The following RELCH variants were observed in gnomAD, a reference collection of about 807,000 sequenced individuals.
The protein encoded by RELCH is RAB11 binding and LisH domain, coiled-coil and HEAT repeat containing, also known as RAB11-binding protein RELCH.
A neutral mutation model predicts 150.3 loss-of-function variants in RELCH; 41 were observed. The observed-to-expected ratio is 0.27, with a 90% CI of 0.21 to 0.35. RELCH has a LOEUF of 0.35. Among genes scored for constraint, RELCH ranks in the 10% least tolerant of loss-of-function variants. The pLI is 1.00. For synonymous variants in RELCH, 478 were observed against 531.8 expected, an observed-to-expected ratio of 0.90 and a Z score of 1.39; for missense variants, 1,092 against 1,467.8, an observed-to-expected ratio of 0.74 and a Z score of 4.18.
chr18:62,232,433 A>T lies in RELCH; in HGVS notation c.1620+6A>T. 6.4e-7 allele frequency: 1 copy of T among 1,568,600 alleles called. No individual in the cohort carries two copies. Among genetic ancestry groups the T allele is most frequent in the South Asian group, 1.1e-5 (1 of 89,942 alleles). On this transcript the variant is annotated splice_donor_region_variant and intron_variant, in intron 10 of 28. Coordinates refer to ENST00000644646, the MANE Select transcript of RELCH (RefSeq NM_001346231.2). ...TGCTATTGGCAAAGAGAGAGGTAAG[A>T]CACATGAAAGTATTTTCGTCCCAGT...
chr18:62,292,552 G>T (rs1792852358), intron 27 of RELCH, among the ~76,000 whole-genome samples: 1 of 151,998 alleles, frequency 6.6e-6, no homozygotes, highest in South Asian at 2.1e-4. Context: ...CTAACCCCAT[G>T]CTGGAGCCAT....
intron 10 of RELCH, among the ~76,000 whole-genome samples, chr18:62,243,384 C>G (rs1354002217): frequency 6.6e-6 from 1 of 152,170 alleles, no homozygotes; most frequent in East Asian, 1.9e-4. Flanking sequence ...TATGCTCTGT[C>G]TCTCATTCCC....
At chr18:62,225,325 G>A (rs1291849746) in intron 5 of RELCH, among the ~76,000 whole-genome samples, 1 of 151,980 alleles carries the variant, frequency 6.6e-6, no homozygotes, top group East Asian at 1.9e-4. Context: ...CAAAAAGCAT[G>A]ATGTTCTCTG....
rs1436902857 is a variant in RELCH, at chr18:62,223,415, T to TA, written c.858+1919dup. Reference sequence around the variant, plus strand: ...AAGAAATAGATTATTTGAAGGGCTTTATATTTATTAAAGAAATAAAATTTG... The same window carrying TA: ...AAGAAATAGATTATTTGAAGGGCTTTAATATTTATTAAAGAAATAAAATTTG... On this transcript the variant is annotated intron_variant, in intron 5 of 28. Coordinates refer to ENST00000644646, the MANE Select transcript of RELCH (RefSeq NM_001346231.2). 2.6e-5 allele frequency among the ~76,000 whole-genome samples: 4 copies of TA among 152,242 alleles called. No homozygotes were observed. The East Asian group carries it at 7.7e-4, about 29-fold the overall frequency.
intron 10 of RELCH, among the ~76,000 whole-genome samples, chr18:62,242,410 C>A (rs757770609): frequency 3.3e-5 from 5 of 152,160 alleles, no homozygotes; most frequent in Non-Finnish European, 7.4e-5. Flanking sequence ...TGTGTTGAAA[C>A]GGCTTTTTTA....
At position 62,215,820 on chromosome 18, in the gene RELCH, A is replaced by G. The variant is rs181981007; in HGVS notation, c.616+4578A>G. Among the ~76,000 whole-genome samples the G allele has an allele frequency of 9.7e-4, 147 of 152,248 alleles. 1 individual carries two copies. The highest frequency in any genetic ancestry group is 3.4e-3 in the African/African-American group (143 of 41,560). On this transcript the variant is annotated intron_variant, in intron 2 of 28. Transcript: ENST00000644646. The stretch of plus-strand genomic sequence containing the variant: ...TAGTACCAGGCTGTAGTTCTGACCC[A>G]TCTGTATATTCATGTGGATAGCATA...
intron 5 of RELCH, among the ~76,000 whole-genome samples, chr18:62,221,759 C>T (rs1023481204): frequency 5.9e-5 from 9 of 151,674 alleles, no homozygotes; most frequent in Non-Finnish European, 5.9e-5. Context: ...ATAGTCCACT[C>T]ATTTTTGCAT....
At chr18:62,244,994 T>G in intron 11 of RELCH, 118 bp downstream of exon 11, 2 of 679,366 alleles carry the variant, frequency 2.9e-6, no homozygotes, top group Non-Finnish European at 5.3e-6. Context: ...GTATCTATTT[T>G]AGCAGCGCTG....
intron 27 of RELCH, among the ~76,000 whole-genome samples, chr18:62,295,695 C>T (rs1401830216): frequency 1.3e-5 from 2 of 151,910 alleles, no homozygotes; most frequent in Non-Finnish European, 1.5e-5. Context: ...CCTCAGCCTC[C>T]TGAGTAGCTG....
rs2040865327 is a variant in RELCH at position 62,221,488 on chromosome 18, C to T, written c.849C>T (p.Asn283=). ...KLTSITFSDE[N]DDQDFELWDD... ...CATCAATAACCTTTTCAGATGAAAA[C>T]GATGATCAGGTAAAGTTACTTTTTG... The change falls in exon 5 of 29, where the codon AAC becomes AAT. Residue 283 remains asparagine (N), a synonymous_variant. Coordinates refer to ENST00000644646, the MANE Select transcript of RELCH (RefSeq NM_001346231.2). 4.2e-6 allele frequency: 6 copies of T among 1,438,686 alleles called. No individual in the cohort carries two copies. Among genetic ancestry groups the T allele is most frequent in the Non-Finnish European group, 5.7e-6 (6 of 1,052,318 alleles). The allele number at this position is 1,438,686 out of a possible 1,614,324, so 89.1% of individuals were successfully genotyped here. A position where few individuals can be genotyped will look rare whatever the true frequency, so the allele number is the denominator to read the frequency against.
At chr18:62,263,728 T>C (rs1372458862) in intron 16 of RELCH, among the ~76,000 whole-genome samples, 1 of 152,022 alleles carries the variant, frequency 6.6e-6, no homozygotes, top group African/African-American at 2.4e-5. Context: ...ATAAAATAGA[T>C]AAAAATTTCT....
intron 25 of RELCH, among the ~76,000 whole-genome samples, chr18:62,283,638 AT>A (rs987252998): frequency 6.6e-6 from 1 of 151,858 alleles, no homozygotes; most frequent in Non-Finnish European, 1.5e-5. Flanking sequence ...CAGTCATGAC[AT>A]TTTTTTTCAC....
intron 25 of RELCH, among the ~76,000 whole-genome samples, 170 bp from the exon 26 acceptor site, chr18:62,287,181 T>G (rs1447481653): frequency 6.6e-6 from 1 of 152,204 alleles, no homozygotes; most frequent in African/African-American, 2.4e-5. Flanking sequence ...GAAAAACTAC[T>G]TTCTTCCCTA....
chr18:62,196,737 A>G (rs2039076874), intron 1 of RELCH, among the ~76,000 whole-genome samples: 1 of 152,206 alleles, frequency 6.6e-6, no homozygotes, highest in South Asian at 2.1e-4. Context: ...GTTGGTATTC[A>G]GTATTTTTAC....
At chr18:62,253,536 G>A (rs1199836587) in intron 12 of RELCH, among the ~76,000 whole-genome samples, 1 of 151,988 alleles carries the variant, frequency 6.6e-6, no homozygotes. Flanking sequence ...ACCTTAAAAA[G>A]ATGTGTTTCC....
intron 1 of RELCH, among the ~76,000 whole-genome samples, chr18:62,194,688 A>T (rs1326768580): frequency 6.6e-6 from 1 of 152,210 alleles, no homozygotes; most frequent in East Asian, 1.9e-4. Context: ...ATGTCGATTG[A>T]TACTACTTGG....
chr18:62,221,541 A>G (rs1487633711), intron 5 of RELCH, 44 bp downstream of exon 5: 1 of 832,710 alleles, frequency 1.2e-6, no homozygotes, highest in African/African-American at 1.8e-5. Flanking sequence ...TTCTACACTT[A>G]TAATTCACTT....
intron 16 of RELCH, among the ~76,000 whole-genome samples, chr18:62,263,591 A>G (rs1460216401): frequency 6.6e-6 from 1 of 152,038 alleles, no homozygotes; most frequent in Non-Finnish European, 1.5e-5. Flanking sequence ...ATAATTTGTT[A>G]TGAATGAAGA....
At chr18:62,240,310 G>T (rs1600011431) in intron 10 of RELCH, among the ~76,000 whole-genome samples, 3 of 150,722 alleles carry the variant, frequency 2.0e-5, no homozygotes, top group African/African-American at 7.3e-5. Context: ...TTGTGCAAAA[G>T]AATTATCTTG....
Sources: allele counts gnomAD v4.1 joint callset (sites outside exome capture counted in the v4.1 genomes callset), GRCh38; gene constraint gnomAD v4.1.1; transcripts MANE v1.5; gene names NCBI Gene and HGNC (gene_info 2026-07-23, HGNC 2026-07-21).